R3HCC1L: variants seen among roughly 807,000 people sequenced by gnomAD.
The protein encoded by R3HCC1L is R3H domain and coiled-coil containing 1 like.
R3HCC1L carries 51 observed loss-of-function variants against 59.9 expected under a neutral mutation model. That is an observed-to-expected ratio of 0.85 (90% CI 0.68 to 1.07). The LOEUF is 1.07. Among genes scored for constraint, R3HCC1L ranks in the 50% least tolerant of loss-of-function variants. The probability of loss-of-function intolerance (pLI) is 0.00; values close to 1 mark genes in which losing one functional copy is unlikely to be tolerated. For missense variants in R3HCC1L, 965 were observed against 933.0 expected, an observed-to-expected ratio of 1.03 and a Z score of -0.45; for synonymous variants, 322 against 315.2, an observed-to-expected ratio of 1.02 and a Z score of -0.23.
At chr10:98,191,689 G>T (rs2134859038) in intron 4 of R3HCC1L, among the ~76,000 whole-genome samples, 1 of 152,240 alleles carries the variant, frequency 6.6e-6, no homozygotes, top group East Asian at 1.9e-4. Context: ...GGCTTTTGTT[G>T]CCATTGCTTT....
At position 98,209,430 on chromosome 10, in the gene R3HCC1L, A is replaced by G. The variant is rs1564700713; in HGVS notation, c.1316A>G (p.Asn439Ser). The G allele has an allele frequency of 6.2e-7, 1 of 1,613,534 alleles. No homozygotes were observed. Among genetic ancestry groups the G allele is most frequent in the African/African-American group, 1.3e-5 (1 of 75,004 alleles). Residue 439 changes from asparagine to serine, a missense_variant, in exon 5 of 10, where the codon AAC (asparagine) becomes AGC (serine). Physicochemically the swap from Asn to Ser is conservative, Grantham distance 46. Transcript: ENST00000298999. Reference sequence around the variant, plus strand: ...GGGAATGACACTGAAGATTTCAGCAACCCTTCTGCTTGCTCAGATATTTAT... The same window carrying G: ...GGGAATGACACTGAAGATTTCAGCAGCCCTTCTGCTTGCTCAGATATTTAT... ...RSGNDTEDFS[N>S]PSACSDIYGE...
rs150843310 is a variant in R3HCC1L at position 98,212,081 on chromosome 10, A to G, written c.1785+2182A>G. ...GTAGGGTCTGTGTTGAGGAATGAGC[A>G]TAACTGAGAGCAGGAAGGAGGGAAA... On this transcript the variant is annotated intron_variant, in intron 5 of 9. Coordinates refer to ENST00000298999, the MANE Select transcript of R3HCC1L (RefSeq NM_001351015.2). Among the ~76,000 whole-genome samples, 826 of 152,260 alleles carry G rather than the reference A, an allele frequency of 5.4e-3. 4 individuals are homozygous for G. The highest frequency in any genetic ancestry group is 0.018 in the African/African-American group (745 of 41,550).
At chr10:98,220,273 T>A (rs1216245864) in intron 5 of R3HCC1L, among the ~76,000 whole-genome samples, 1 of 152,136 alleles carries the variant, frequency 6.6e-6, no homozygotes, top group Non-Finnish European at 1.5e-5. Flanking sequence ...ATTGTTTGTC[T>A]GATTTCCTTG....
At chr10:98,144,540 C>T (rs1461582147) in intron 1 of R3HCC1L, among the ~76,000 whole-genome samples, 2 of 152,088 alleles carry the variant, frequency 1.3e-5, no homozygotes, top group Non-Finnish European at 2.9e-5. Flanking sequence ...GATTTGTCTT[C>T]GTTTTGGATG....
At chr10:98,165,852 C>T (rs995341347) in intron 4 of R3HCC1L, among the ~76,000 whole-genome samples, 1 of 152,160 alleles carries the variant, frequency 6.6e-6, no homozygotes, top group East Asian at 1.9e-4. Context: ...GTGGAGCCCT[C>T]ATGAATGACA....
At chr10:98,231,832 A>G in intron 6 of R3HCC1L, 145 bp downstream of exon 6, 1 of 899,884 alleles carries the variant, frequency 1.1e-6, no homozygotes, top group Non-Finnish European at 1.6e-6. Context: ...CAGGTCCAGT[A>G]GAAATTTTCT....
intron 4 of R3HCC1L, among the ~76,000 whole-genome samples, chr10:98,178,505 C>A (rs1332470234): frequency 6.6e-6 from 1 of 152,142 alleles, no homozygotes; most frequent in Non-Finnish European, 1.5e-5. Context: ...TGTGATGCCT[C>A]CAGCTTTGTT....
At chr10:98,163,748 T>C (rs970331753) in intron 4 of R3HCC1L, among the ~76,000 whole-genome samples, 3 of 152,186 alleles carry the variant, frequency 2.0e-5, no homozygotes, top group Admixed American at 1.3e-4. Context: ...GTAATTCATA[T>C]AGTGAGCAGC....
chr10:98,218,493 CTT>C (rs754547323), intron 5 of R3HCC1L, among the ~76,000 whole-genome samples: 2 of 152,108 alleles, frequency 1.3e-5, no homozygotes, highest in Non-Finnish European at 2.9e-5. Flanking sequence ...TTAAAAAAAA[CTT>C]TTGTTTCATT....
At chr10:98,235,179 A>G (rs1856790588) in intron 7 of R3HCC1L, among the ~76,000 whole-genome samples, 1 of 152,228 alleles carries the variant, frequency 6.6e-6, no homozygotes, top group South Asian at 2.1e-4. Flanking sequence ...GCTCTGCTTC[A>G]GTAAAATAAT....
chr10:98,152,705 G>A lies in R3HCC1L; in HGVS notation c.-267-3388G>A, dbSNP rs866472437. On this transcript the variant is annotated intron_variant, in intron 1 of 9. Coordinates refer to ENST00000298999, the MANE Select transcript of R3HCC1L (RefSeq NM_001351015.2). ...CGACCCCGTCTGGGAGGTGAGGAGC[G>A]TCTCTGCTGGGCCGCCCCGTCTGAG... Among the ~76,000 whole-genome samples, 16 of 103,670 alleles carry A rather than the reference G, an allele frequency of 1.5e-4. 1 individual carries two copies. Among genetic ancestry groups the A allele is most frequent in the African/African-American group, 3.9e-4 (14 of 35,630 alleles). The allele number at this position is 103,670 out of a possible 152,430, so 68.0% of individuals were successfully genotyped here. A position where few individuals can be genotyped will look rare whatever the true frequency, so the allele number is the denominator to read the frequency against.
chr10:98,160,405 A>G (rs185842220), intron 2 of R3HCC1L, among the ~76,000 whole-genome samples: 3 of 152,350 alleles, frequency 2.0e-5, no homozygotes, highest in Non-Finnish European at 4.4e-5. Context: ...TATGTTGATT[A>G]TGTGTTGAAA....
intron 4 of R3HCC1L, among the ~76,000 whole-genome samples, chr10:98,169,177 TGA>T (rs1848258324): frequency 1.3e-5 from 2 of 152,212 alleles, no homozygotes; most frequent in Non-Finnish European, 2.9e-5. Context: ...CAGCAGTCTT[TGA>T]ACTCTTTTTG....
At chr10:98,214,860 AT>A (rs1853988217) in intron 5 of R3HCC1L, among the ~76,000 whole-genome samples, 1 of 152,236 alleles carries the variant, frequency 6.6e-6, no homozygotes, top group South Asian at 2.1e-4. Flanking sequence ...AATAAGTCTC[AT>A]TAGTTCTACA....
chr10:98,151,855 G>A (rs1341555479), intron 1 of R3HCC1L, among the ~76,000 whole-genome samples: 1 of 152,184 alleles, frequency 6.6e-6, no homozygotes, highest in East Asian at 1.9e-4. Flanking sequence ...AAGTACCAGA[G>A]ACTTAAATGT....
At chr10:98,161,887 G>A (rs868531137) in intron 2 of R3HCC1L, among the ~76,000 whole-genome samples, 56 of 152,046 alleles carry the variant, frequency 3.7e-4, no homozygotes, top group African/African-American at 1.3e-3. Context: ...TTTAGTATCA[G>A]CTTTTCTGTC....
chr10:98,146,707 A>C (rs762217029), intron 1 of R3HCC1L, among the ~76,000 whole-genome samples: 1 of 152,218 alleles, frequency 6.6e-6, no homozygotes, highest in Non-Finnish European at 1.5e-5. Context: ...CTTCTGAACC[A>C]GAATAGATTC....
At chr10:98,157,642 C>T (rs533175181) in intron 2 of R3HCC1L, among the ~76,000 whole-genome samples, 2 of 152,310 alleles carry the variant, frequency 1.3e-5, no homozygotes, top group South Asian at 4.1e-4. Context: ...TTCTGCTACA[C>T]ATTGAGCATT....
At chr10:98,185,244 C>CTG (rs2134683462) in intron 4 of R3HCC1L, among the ~76,000 whole-genome samples, 1 of 152,224 alleles carries the variant, frequency 6.6e-6, no homozygotes, top group South Asian at 2.1e-4. Context: ...AAAGTCAAGT[C>CTG]TGTGCTATGT....
Sources: allele counts gnomAD v4.1 joint callset (sites outside exome capture counted in the v4.1 genomes callset), GRCh38; gene constraint gnomAD v4.1.1; transcripts MANE v1.5; gene names NCBI Gene and HGNC (gene_info 2026-07-23, HGNC 2026-07-21).